The following STYX variants were observed in gnomAD, a reference collection of about 807,000 sequenced individuals.
STYX encodes serine/threonine/tyrosine interacting protein.
Under a neutral mutation model 42.7 loss-of-function variants are expected in STYX, and 20 were observed. The ratio of observed to expected loss-of-function variants is 0.47; its 90% CI spans 0.33 to 0.68. The LOEUF is 0.68. Among genes scored for constraint, STYX ranks in the 30% least tolerant of loss-of-function variants. The probability of loss-of-function intolerance (pLI) is 0.02; values close to 1 mark genes in which losing one functional copy is unlikely to be tolerated. For missense variants in STYX, 226 were observed against 268.5 expected (o/e 0.84, Z 1.11); for synonymous variants, 78 against 81.9 (o/e 0.95, Z 0.26).
intron 1 of STYX, among the ~76,000 whole-genome samples, chr14:52,735,469 A>G (rs146234039): frequency 1.2e-3 from 176 of 152,320 alleles, no homozygotes; most frequent in African/African-American, 4.1e-3. Context: ...CCAAAACCAT[A>G]GGAACATTTC....
Position 52,773,361 on chromosome 14 carries a change from C to CA in STYX, c.*2256dup, listed in dbSNP as rs1882595181. 7.1e-6 allele frequency: 1 copy of CA among 140,292 alleles called. No homozygotes were observed. Among genetic ancestry groups the CA allele is most frequent in the Admixed American group, 7.5e-5 (1 of 13,332 alleles). The allele number at this position is 140,292 out of a possible 1,614,324, so 8.7% of individuals were successfully genotyped here. On this transcript the variant is annotated 3_prime_UTR_variant, in exon 11 of 11. Coordinates refer to ENST00000354586, the MANE Select transcript of STYX (RefSeq NM_145251.4). ...GATAGATTTTTTTTTTTTTTTGAGA[C>CA]AGAGTCTCTAATGTCACCCAGGCTG...
At chr14:52,754,948 A>C (rs1489189067) in intron 4 of STYX, among the ~76,000 whole-genome samples, 3 of 152,158 alleles carry the variant, frequency 2.0e-5, no homozygotes, top group Non-Finnish European at 4.4e-5. Context: ...TTATGCGTTA[A>C]AATATTTAAT....
intron 1 of STYX, among the ~76,000 whole-genome samples, chr14:52,743,811 A>G (rs894474262): frequency 1.3e-5 from 2 of 152,164 alleles, no homozygotes; most frequent in African/African-American, 4.8e-5. Flanking sequence ...CCCACTGACA[A>G]ATGAGGACTA....
intron 10 of STYX, 128 bp from the exon 11 acceptor site, chr14:52,770,905 T>A (rs1239191479): frequency 5.4e-6 from 3 of 556,240 alleles, no homozygotes; most frequent in Non-Finnish European, 9.1e-6. Context: ...TTTACTAAAT[T>A]TTGCTATATC....
rs1222640080 is a variant in STYX at position 52,771,324 on chromosome 14, TGC to T, written c.*225_*226del. The stretch of plus-strand genomic sequence containing the variant: ...TTTTACTCCTTTTTTTAAAAACACA[TGC>T]GCGCGCACACACACATGCTTTACAA... On this transcript the variant is annotated 3_prime_UTR_variant, in exon 11 of 11. Coordinates refer to ENST00000354586, the MANE Select transcript of STYX (RefSeq NM_145251.4). 4.3e-6 allele frequency: 2 copies of T among 466,674 alleles called. No homozygotes were observed. The highest frequency in any genetic ancestry group is 7.6e-6 in the Non-Finnish European group (2 of 262,422). The allele number at this position is 466,674 out of a possible 1,614,324, so 28.9% of individuals were successfully genotyped here. A position where few individuals can be genotyped will look rare whatever the true frequency, so the allele number is the denominator to read the frequency against.
chr14:52,730,265 C>A lies in STYX; in HGVS notation c.-210C>A, dbSNP rs2139868203. ...AGCGGCATGGCGGCCGGGTGTAAGA[C>A]GCCCGACCCTCCTCTTCCCTGTCTT... On this transcript the variant is annotated 5_prime_UTR_variant, in exon 1 of 11. Coordinates refer to ENST00000354586, the MANE Select transcript of STYX (RefSeq NM_145251.4). The A allele has an allele frequency of 1.7e-6, 1 of 586,140 alleles. No individual in the cohort carries two copies. Among genetic ancestry groups the A allele is most frequent in the East Asian group, 2.9e-5 (1 of 34,014 alleles). The allele number at this position is 586,140 out of a possible 1,614,324, so 36.3% of individuals were successfully genotyped here.
rs567320909 is a variant in STYX, at chr14:52,731,866, C to G, written c.57+1335C>G. 2.0e-5 allele frequency among the ~76,000 whole-genome samples: 3 copies of G among 148,226 alleles called. No individual in the cohort carries two copies. In the East Asian group the frequency reaches 6.0e-4, roughly 30 times the overall value. On this transcript the variant is annotated intron_variant, in intron 1 of 10. Transcript: ENST00000354586. ...GTAGTGCAGTGGTGTGATCTCGGTT[C>G]ACTGCAGTCTCGAACTCCCATGCTC...
At chr14:52,750,432 T>A (rs1881565833) in intron 3 of STYX, among the ~76,000 whole-genome samples, 1 of 152,178 alleles carries the variant, frequency 6.6e-6, no homozygotes. Context: ...AAAGGTTCCA[T>A]CAAGCTCTAA....
Position 52,769,787 on chromosome 14 carries a change from C to T in STYX, c.598+854C>T, listed in dbSNP as rs74514699. ...TTCAGGTCCGGATTTGCCTCCTTTC[C>T]AAACTCTTGTTATTTGGTCTGTTCT... On this transcript the variant is annotated intron_variant, in intron 10 of 10. Coordinates refer to ENST00000354586, the MANE Select transcript of STYX (RefSeq NM_145251.4). Among the ~76,000 whole-genome samples, 8 of 152,024 alleles carry T rather than the reference C, an allele frequency of 5.3e-5. No homozygotes were observed. In the East Asian group the frequency reaches 1.5e-3, roughly 29 times the overall value.
intron 1 of STYX, among the ~76,000 whole-genome samples, chr14:52,741,645 C>G (rs369418101): frequency 6.6e-6 from 1 of 151,998 alleles, no homozygotes; most frequent in African/African-American, 2.4e-5. Flanking sequence ...CACCATGTTG[C>G]CCAAGCTGGT....
chr14:52,738,158 A>T (rs1156914064), intron 1 of STYX, among the ~76,000 whole-genome samples: 1 of 152,332 alleles, frequency 6.6e-6, no homozygotes, highest in African/African-American at 2.4e-5. Flanking sequence ...TCAGCATCTG[A>T]TGATAACACC....
At chr14:52,759,026 T>C (rs983579632) in intron 8 of STYX, among the ~76,000 whole-genome samples, 1 of 152,248 alleles carries the variant, frequency 6.6e-6, no homozygotes, top group Non-Finnish European at 1.5e-5. Flanking sequence ...AGTACTATTA[T>C]AGGCACTTTA....
chr14:52,759,767 C>T lies in STYX; in HGVS notation c.504+13C>T. On this transcript the variant is annotated intron_variant, in intron 9 of 10. Transcript: ENST00000354586. ...CCATCAACTTCAGGTAACTTTTCTT[C>T]CTCTTTAAGGCAATCAGAAGTAAGA... 2.6e-6 allele frequency: 4 copies of T among 1,557,686 alleles called. No homozygotes were observed. Among genetic ancestry groups the T allele is most frequent in the Non-Finnish European group, 2.7e-6 (3 of 1,131,116 alleles).
At chr14:52,761,191 G>T (rs945517303) in intron 9 of STYX, among the ~76,000 whole-genome samples, 4 of 151,990 alleles carry the variant, frequency 2.6e-5, no homozygotes, top group African/African-American at 7.3e-5. Context: ...AGCTGGATGT[G>T]GTGATGCATG....
At chr14:52,757,594 C>A in intron 6 of STYX, 149 bp from the exon 7 acceptor site, 1 of 800,272 alleles carries the variant, frequency 1.2e-6, no homozygotes, top group Non-Finnish European at 2.0e-6. Flanking sequence ...CTGCTATATT[C>A]TCTACACAGT....
chr14:52,742,719 G>T (rs1353228653), intron 1 of STYX, among the ~76,000 whole-genome samples: 1 of 151,732 alleles, frequency 6.6e-6, no homozygotes, highest in African/African-American at 2.4e-5. Context: ...TTTCTTTATA[G>T]TATTAAAACA....
At chr14:52,759,782 C>G (rs375790178) in intron 9 of STYX, 28 bp downstream of exon 9, 6 of 1,428,682 alleles carry the variant, frequency 4.2e-6, no homozygotes, top group Non-Finnish European at 5.9e-6. Flanking sequence ...TTAAGGCAAT[C>G]AGAAGTAAGA....
chr14:52,732,475 A>G (rs1014480552), intron 1 of STYX, among the ~76,000 whole-genome samples: 19 of 151,558 alleles, frequency 1.3e-4, no homozygotes, highest in African/African-American at 4.1e-4. Flanking sequence ...GGGTTTCACC[A>G]TGTTGGCCAG....
At chr14:52,742,196 G>C (rs1162289861) in intron 1 of STYX, among the ~76,000 whole-genome samples, 1 of 152,192 alleles carries the variant, frequency 6.6e-6, no homozygotes, top group East Asian at 1.9e-4. Context: ...CCTACCCAGA[G>C]CCAAAGCTAG....
Sources: allele counts gnomAD v4.1 joint callset (sites outside exome capture counted in the v4.1 genomes callset), GRCh38; gene constraint gnomAD v4.1.1; transcripts MANE v1.5; gene names NCBI Gene and HGNC (gene_info 2026-07-23, HGNC 2026-07-21).